The following ACSL4 variants were observed in gnomAD, a reference collection of about 807,000 sequenced individuals.
The protein encoded by ACSL4 is acyl-CoA synthetase long chain family member 4, also known as long-chain-fatty-acid--CoA ligase 4.
ACSL4 carries 9 observed loss-of-function variants against 49.1 expected under a neutral mutation model. The observed-to-expected ratio is 0.18, with a 90% CI of 0.11 to 0.32. The LOEUF is 0.32. Ranked by LOEUF, ACSL4 falls within the 10% of genes least tolerant of loss-of-function variation. ACSL4 has a pLI of 1.00. For missense variants in ACSL4, 333 were observed against 493.7 expected (o/e 0.67, Z 3.08); for synonymous variants, 191 against 170.3 (o/e 1.12, Z -0.95).
intron 1 of ACSL4, among the ~76,000 whole-genome samples, chrX:109,721,354 G>A (rs1355938041): frequency 1.8e-5 from 2 of 112,038 alleles, no homozygotes; most frequent in Non-Finnish European, 3.8e-5. Context: ...TTCCCCAGGA[G>A]AGTTGGTCGT....
At chrX:109,685,503 G>A (rs896387647) in intron 2 of ACSL4, 6 of 111,647 alleles carry the variant, frequency 5.4e-5, no homozygotes, top group Non-Finnish European at 1.1e-4. Context: ...TCACTTTGAA[G>A]AGACAAACTG....
intron 1 of ACSL4, among the ~76,000 whole-genome samples, chrX:109,731,487 T>C (rs1928437921): frequency 9.2e-6 from 1 of 108,170 alleles, no homozygotes; most frequent in Non-Finnish European, 1.9e-5. Context: ...TGAACAAGAC[T>C]CTTCTTTCTT....
In ACSL4 at chrX:109,681,325, T is replaced by G; in HGVS notation, c.457A>C (p.Asn153His). The stretch of plus-strand genomic sequence containing the variant: ...ATCAGATAGGAAGCCTCAGATTCAT[T>G]TAGCCCATGAACTACTGCTTCTTTG... ...LGKEAVVHGLNESEASYLITS... is the reference protein window; with the variant it reads ...LGKEAVVHGLHESEASYLITS... Residue 153 changes from asparagine (N) to histidine (H), a missense_variant, in exon 5 of 16, where the codon AAT becomes CAT. This residue lies in a region of ACSL4 where 157 missense variants were observed against 201.1 expected (regional missense o/e 0.78). Coordinates refer to ENST00000672401, the MANE Select transcript of ACSL4 (RefSeq NM_001318510.2). 8.3e-7 allele frequency: 1 copy of G among 1,211,077 alleles called. No homozygotes were observed. The highest frequency in any genetic ancestry group is 2.2e-5 in the Admixed American group (1 of 46,052).
At chrX:109,727,432 A>C (rs369169883) in intron 1 of ACSL4, among the ~76,000 whole-genome samples, 8 of 111,812 alleles carry the variant, frequency 7.2e-5, no homozygotes, top group Admixed American at 1.9e-4. Flanking sequence ...ATAGAAGTCT[A>C]TCTGCAGCTT....
chrX:109,644,278 A>C lies in ACSL4; in HGVS notation c.1856-92T>G, dbSNP rs1192434219. On this transcript the variant is annotated intron_variant, in intron 15 of 15. Transcript: ENST00000672401. ...CGGGGAAAGAAGGGGAAGGAGAAGC[A>C]ATTAATAAAATATGAGTTTTTCAGG... 4.9e-6 allele frequency: 4 copies of C among 822,797 alleles called. No homozygotes were observed. The African/African-American group carries it at 6.3e-5, about 13-fold the overall frequency. 67.8% of individuals were successfully genotyped at this position (822,797 alleles called of 1,213,427 possible). A position where few individuals can be genotyped will look rare whatever the true frequency, so the allele number is the denominator to read the frequency against.
chrX:109,674,312 T>C (rs781598761), intron 9 of ACSL4, 90 bp downstream of exon 9: 83 of 728,328 alleles, frequency 1.1e-4, no homozygotes, highest in Non-Finnish European at 1.8e-4. Context: ...TGTAGACATA[T>C]CTAAGAGTAT....
At chrX:109,691,261 A>T (rs2147468984) in intron 2 of ACSL4, among the ~76,000 whole-genome samples, 1 of 112,315 alleles carries the variant, frequency 8.9e-6, no homozygotes, top group East Asian at 2.8e-4. Context: ...TAGAAGTCTC[A>T]TTTTCAAGTT....
chrX:109,648,482 T>C (rs1360352981), intron 15 of ACSL4, among the ~76,000 whole-genome samples: 1 of 111,139 alleles, frequency 9.0e-6, no homozygotes, highest in Non-Finnish European at 1.9e-5. Context: ...CAACGCTTCA[T>C]GCTAAAAACT....
At chrX:109,671,250 T>C (rs1923190793) in intron 9 of ACSL4, among the ~76,000 whole-genome samples, 1 of 107,496 alleles carries the variant, frequency 9.3e-6, no homozygotes, top group Non-Finnish European at 1.9e-5. Flanking sequence ...CCATCTGAGA[T>C]GTGAAGAGCG....
intron 1 of ACSL4, among the ~76,000 whole-genome samples, chrX:109,706,200 TA>T (rs1243670863): frequency 8.9e-6 from 1 of 112,452 alleles, no homozygotes; most frequent in African/African-American, 3.2e-5. Context: ...AAAATAATTT[TA>T]AAAAGAAAGA....
chrX:109,719,021 T>C (rs1160264265), intron 1 of ACSL4, among the ~76,000 whole-genome samples: 1 of 111,542 alleles, frequency 9.0e-6, no homozygotes, highest in East Asian at 2.8e-4. Context: ...ACAGACTTCC[T>C]CTTCCTCAGT....
At chrX:109,690,519 T>C (rs768344488) in intron 2 of ACSL4, among the ~76,000 whole-genome samples, 2 of 111,640 alleles carry the variant, frequency 1.8e-5, no homozygotes, top group Non-Finnish European at 3.8e-5. Context: ...TCCTTTGAGG[T>C]AGTACCTTCA....
chrX:109,685,665 A>G lies in ACSL4; in HGVS notation c.-12-2290T>C, dbSNP rs188832619. Among the ~76,000 whole-genome samples the G allele has an allele frequency of 2.7e-5, 3 of 110,267 alleles. No homozygotes were observed. The Admixed American group carries it at 2.9e-4, about 11-fold the overall frequency. ...TCATGTAATTTAGTTGAGTACAGTG[A>G]AATGAGAAAGAAACTGGAAGTCACT... On this transcript the variant is annotated intron_variant, in intron 2 of 15. Coordinates refer to ENST00000672401, the MANE Select transcript of ACSL4 (RefSeq NM_001318510.2).
chrX:109,648,653 G>T (rs1335563924), intron 15 of ACSL4, among the ~76,000 whole-genome samples: 203 of 111,024 alleles, frequency 1.8e-3, no homozygotes, highest in African/African-American at 5.7e-3. Context: ...CTATTCAACA[G>T]AGTGTTGGAA....
At chrX:109,731,858 C>A (rs1166124153) in intron 1 of ACSL4, among the ~76,000 whole-genome samples, 1 of 112,369 alleles carries the variant, frequency 8.9e-6, no homozygotes, top group Non-Finnish European at 1.9e-5. Context: ...CTGTTAAAAT[C>A]TTGACCGATA....
At chrX:109,669,887 C>T (rs141280625) in intron 9 of ACSL4, among the ~76,000 whole-genome samples, 1,938 of 112,189 alleles carry the variant, frequency 0.017, 30 homozygotes, top group African/African-American at 0.059. Context: ...TACAGCATGG[C>T]AGAAAGCATT....
At chrX:109,665,294 G>A (rs897688669) in intron 12 of ACSL4, 126 bp downstream of exon 12, 1 of 578,833 alleles carries the variant, frequency 1.7e-6, no homozygotes. Flanking sequence ...GAATGCATGG[G>A]GACAGGCAAC....
chrX:109,725,540 A>C (rs1442096403), intron 1 of ACSL4, among the ~76,000 whole-genome samples: 2 of 110,907 alleles, frequency 1.8e-5, no homozygotes, highest in Non-Finnish European at 3.8e-5. Flanking sequence ...AGGCGGGCGG[A>C]TCACGAGGTC....
chrX:109,657,836 A>G (rs1314219972), intron 15 of ACSL4, among the ~76,000 whole-genome samples: 1 of 111,632 alleles, frequency 9.0e-6, no homozygotes, highest in Non-Finnish European at 1.9e-5. Flanking sequence ...TCCCACCAAC[A>G]GTGTAAAAGT....
Sources: allele counts gnomAD v4.1 joint callset (sites outside exome capture counted in the v4.1 genomes callset), GRCh38; gene constraint gnomAD v4.1.1; regional missense constraint gnomAD v4.1.1; transcripts MANE v1.5; gene names NCBI Gene and HGNC (gene_info 2026-07-23, HGNC 2026-07-21).